The following AGMO variants were observed in gnomAD, a reference collection of about 807,000 sequenced individuals.
AGMO encodes glyceryl-ether monooxygenase.
AGMO carries 75 observed loss-of-function variants against 60.2 expected under a neutral mutation model. The ratio of observed to expected loss-of-function variants is 1.25; its 90% CI spans 1.03 to 1.51. The LOEUF is 1.51. AGMO is among the 40% of genes most tolerant of loss of function. The probability of loss-of-function intolerance (pLI) is 0.00; values close to 1 mark genes in which losing one functional copy is unlikely to be tolerated. For synonymous variants in AGMO, 261 were observed against 177.1 expected (o/e 1.47, Z -3.76); for missense variants, 763 against 525.5 (o/e 1.45, Z -4.42).
At chr7:15,293,330 T>C (rs1374837272) in intron 12 of AGMO, among the ~76,000 whole-genome samples, 1 of 152,016 alleles carries the variant, frequency 6.6e-6, no homozygotes, top group East Asian at 1.9e-4. Flanking sequence ...AAAGGAGAGA[T>C]CTAGAATTAA....
chr7:15,184,313 GGGAAGGAGGGAAGGA>G, the AGMO span, among the ~76,000 whole-genome samples: 2 of 103,808 alleles, frequency 1.9e-5, no homozygotes, highest in African/African-American at 3.7e-5. Flanking sequence ...CAGGGAGGGA[GGGAAGGAGGGAAGGA>G]GGAAGGAAGG....
chr7:15,314,703 C>T (rs965642454), intron 12 of AGMO, among the ~76,000 whole-genome samples: 6 of 152,018 alleles, frequency 3.9e-5, no homozygotes, highest in Non-Finnish European at 8.8e-5. Context: ...AAGCCCTAAT[C>T]CCTGGAACCT....
intron 12 of AGMO, among the ~76,000 whole-genome samples, chr7:15,295,674 A>T (rs1351496052): frequency 6.6e-6 from 1 of 152,164 alleles, no homozygotes. Context: ...ATGAAAATGT[A>T]TAATGCTATA....
chr7:15,126,660 A>G, the AGMO span, among the ~76,000 whole-genome samples: 1 of 152,120 alleles, frequency 6.6e-6, no homozygotes, highest in Admixed American at 6.6e-5. Flanking sequence ...TTACTTTTCA[A>G]TCTGACTCTG....
intron 3 of AGMO, among the ~76,000 whole-genome samples, chr7:15,432,312 A>ATG (rs1353877807): frequency 5.8e-5 from 8 of 138,450 alleles, no homozygotes; most frequent in East Asian, 2.0e-4. Flanking sequence ...GGTCATATAT[A>ATG]TGTGTGTGTA....
chr7:15,239,437 C>T (rs1396597473), intron 12 of AGMO, among the ~76,000 whole-genome samples: 1 of 152,010 alleles, frequency 6.6e-6, no homozygotes. Flanking sequence ...TAAAATCATG[C>T]TGAAGAAAAC....
intron 12 of AGMO, among the ~76,000 whole-genome samples, chr7:15,268,576 G>A (rs1326429270): frequency 6.6e-5 from 10 of 151,950 alleles, no homozygotes; most frequent in Admixed American, 6.6e-4. Flanking sequence ...ATAAAAACTA[G>A]CAAACTGATT....
At chr7:15,404,315 C>CA (rs1187152362) in intron 5 of AGMO, among the ~76,000 whole-genome samples, 3 of 151,800 alleles carry the variant, frequency 2.0e-5, no homozygotes, top group Non-Finnish European at 4.4e-5. Context: ...ATTCTTCAAA[C>CA]AAAAAGACAA....
At chr7:15,322,851 AT>A (rs1053700547) in intron 12 of AGMO, among the ~76,000 whole-genome samples, 52 of 144,910 alleles carry the variant, frequency 3.6e-4, no homozygotes, top group African/African-American at 8.1e-4. Flanking sequence ...ATAAAAAAAA[AT>A]GTGACACATA....
intron 3 of AGMO, among the ~76,000 whole-genome samples, chr7:15,520,721 G>A (rs1321518071): frequency 1.3e-5 from 2 of 152,152 alleles, no homozygotes; most frequent in Admixed American, 1.3e-4. Flanking sequence ...AAAATTTATA[G>A]CACTAAATGC....
the AGMO span, among the ~76,000 whole-genome samples, chr7:15,126,420 G>C: frequency 6.6e-6 from 1 of 152,014 alleles, no homozygotes; most frequent in African/African-American, 2.4e-5. Flanking sequence ...GCCCCTTACT[G>C]TGCTCTATTA....
the AGMO span, among the ~76,000 whole-genome samples, chr7:15,195,211 T>C: frequency 6.6e-6 from 1 of 152,156 alleles, no homozygotes; most frequent in South Asian, 2.1e-4. Flanking sequence ...CTGGGATAGA[T>C]ACCTGAGGTT....
At chr7:15,268,876 T>C (rs1710463930) in intron 12 of AGMO, among the ~76,000 whole-genome samples, 1 of 152,010 alleles carries the variant, frequency 6.6e-6, no homozygotes, top group South Asian at 2.1e-4. Context: ...AACAGATGAA[T>C]GTGGGAATGC....
chr7:15,361,045 G>A (rs898545991), intron 12 of AGMO, among the ~76,000 whole-genome samples: 4 of 152,134 alleles, frequency 2.6e-5, no homozygotes, highest in Non-Finnish European at 5.9e-5. Context: ...AAGAATCCTG[G>A]TTTCTGGAAA....
chr7:15,521,739 T>A (rs1783994658), intron 3 of AGMO, among the ~76,000 whole-genome samples: 1 of 152,116 alleles, frequency 6.6e-6, no homozygotes, highest in South Asian at 2.1e-4. Context: ...ACAGCCAATA[T>A]CATACTGAAT....
rs1335625836 is a variant in AGMO at position 15,417,799 on chromosome 7, C to T, written c.609+759G>A. ...AGCTGTGATTTGTAGTGTTGTTTAA[C>T]CAGTTGCAACACCTGTCAACATGCT... On this transcript the variant is annotated intron_variant, in intron 5 of 12. Coordinates refer to ENST00000342526, the MANE Select transcript of AGMO (RefSeq NM_001004320.2). Among the ~76,000 whole-genome samples, 4 of 152,216 alleles carry T rather than the reference C, an allele frequency of 2.6e-5. No homozygotes were observed. The East Asian group carries it at 7.7e-4, about 29-fold the overall frequency.
chr7:15,528,383 C>G (rs1784181559), intron 3 of AGMO, among the ~76,000 whole-genome samples: 1 of 152,038 alleles, frequency 6.6e-6, no homozygotes, highest in South Asian at 2.1e-4. Flanking sequence ...TGGTCTGGAG[C>G]CTAACCCACA....
intron 12 of AGMO, among the ~76,000 whole-genome samples, chr7:15,288,328 A>T (rs1784159730): frequency 6.6e-6 from 1 of 152,234 alleles, no homozygotes; most frequent in African/African-American, 2.4e-5. Context: ...CTAGTAAAAC[A>T]TTAAAATTTA....
chr7:15,442,657 G>A lies in AGMO; in HGVS notation c.410-11549C>T, dbSNP rs114868101. On this transcript the variant is annotated intron_variant, in intron 3 of 12. Coordinates refer to ENST00000342526, the MANE Select transcript of AGMO (RefSeq NM_001004320.2). The stretch of plus-strand genomic sequence containing the variant: ...CAGGGAAGTGCTGGGAGGGAAAGGC[G>A]TGGTCCCTGGTGAGGGCTCCACCCC... Among the ~76,000 whole-genome samples, 1,004 of 152,144 alleles carry A rather than the reference G, an allele frequency of 6.6e-3. 16 individuals are homozygous for A. The highest frequency in any genetic ancestry group is 0.023 in the African/African-American group (960 of 41,480).
Sources: gnomAD v4.1 joint callset for allele counts (sites outside exome capture counted in the v4.1 genomes callset) on GRCh38, gnomAD v4.1.1 for gene constraint, MANE v1.5 for transcripts, NCBI Gene and HGNC (gene_info 2026-07-23, HGNC 2026-07-21) for gene names.